Variants in PCDHGA12 observed in about 807,000 individuals in gnomAD.
The protein encoded by PCDHGA12 is protocadherin gamma-A12.
PCDHGA12 carries 43 observed loss-of-function variants against 61.1 expected under a neutral mutation model. The observed-to-expected ratio is 0.70, with a 90% CI of 0.55 to 0.91. The LOEUF is 0.91. Among genes scored for constraint, PCDHGA12 ranks in the 40% least tolerant of loss-of-function variants. The probability of loss-of-function intolerance (pLI) is 0.00; values close to 1 mark genes in which losing one functional copy is unlikely to be tolerated. For synonymous variants in PCDHGA12, 520 were observed against 542.9 expected (o/e 0.96, Z 0.59); for missense variants, 1,236 against 1,227.7 (o/e 1.01, Z -0.10).
rs185055424 is a variant in PCDHGA12, at chr5:141,457,894, G to A, written c.2424+24711G>A. Among the ~76,000 whole-genome samples the A allele has an allele frequency of 3.2e-3, 488 of 152,332 alleles. 1 individual carries two copies. Among genetic ancestry groups the A allele is most frequent in the Non-Finnish European group, 5.0e-3 (342 of 68,028 alleles). On this transcript the variant is annotated intron_variant, in intron 1 of 3. Transcript: ENST00000252085. ...GTTAGGAACCCTGTGTGGGGACTGT[G>A]TAGACAAGGTGTGAGGCCAGTTCTC...
Position 141,433,047 on chromosome 5 carries a change from C to G in PCDHGA12, c.2288C>G (p.Ser763Trp). The change falls in exon 1 of 4, where the codon TCG (serine) becomes TGG (tryptophan). Residue 763 changes from serine (S) to tryptophan (W), a missense_variant. Physicochemically the swap from Ser to Trp is radical, Grantham distance 177. Coordinates refer to ENST00000252085, the MANE Select transcript of PCDHGA12 (RefSeq NM_003735.3). Reference protein sequence around the residue: ...YSHEVSLTTDSRKSHLIFPQP... With the variant: ...YSHEVSLTTDWRKSHLIFPQP... ...CACGAGGTTTCCCTCACCACGGACTCGCGGAAGAGTCACCTGATCTTCCCC... is the reference window on the plus strand; with the variant it reads ...CACGAGGTTTCCCTCACCACGGACTGGCGGAAGAGTCACCTGATCTTCCCC... 1.9e-6 allele frequency: 3 copies of G among 1,614,164 alleles called. No individual in the cohort carries two copies. The highest frequency in any genetic ancestry group is 2.5e-6 in the Non-Finnish European group (3 of 1,180,034).
intron 1 of PCDHGA12, among the ~76,000 whole-genome samples, chr5:141,452,988 T>C (rs2098753680): frequency 6.6e-6 from 1 of 152,228 alleles, no homozygotes; most frequent in Admixed American, 6.5e-5. Context: ...AGTACTGTGC[T>C]GAAAAGTTAC....
intron 1 of PCDHGA12, among the ~76,000 whole-genome samples, chr5:141,482,104 A>T (rs11748215): frequency 0.23 from 34,477 of 150,324 alleles, 4,798 homozygotes; most frequent in African/African-American, 0.39. Context: ...AAAAAAAAAA[A>T]ATATCTAGAG....
At chr5:141,506,969 A>G (rs923725359) in intron 3 of PCDHGA12, 7 of 152,208 alleles carry the variant, frequency 4.6e-5, no homozygotes, top group Non-Finnish European at 8.8e-5. Flanking sequence ...ATAGCTCTGC[A>G]AGGCAGGTCT....
chr5:141,490,869 A>G lies in PCDHGA12; in HGVS notation c.2425-3938A>G, dbSNP rs764138126. ...GGGTTCGAGACTCCGGCTCTCCCCCATTGCATGCCAACACATCTCTGCATG... is the reference window on the plus strand; with the variant it reads ...GGGTTCGAGACTCCGGCTCTCCCCCGTTGCATGCCAACACATCTCTGCATG... On this transcript the variant is annotated intron_variant, in intron 1 of 3. Transcript: ENST00000252085. This position sits in a 1 kb window ranked among gnomAD's most constrained non-coding sequence, Gnocchi z 5.4. 4.3e-6 allele frequency: 7 copies of G among 1,613,784 alleles called. No homozygotes were observed. The highest frequency in any genetic ancestry group is 1.7e-5 in the Admixed American group (1 of 60,004).
In PCDHGA12 at chr5:141,501,176, T is replaced by C. The variant is rs917315609; in HGVS notation, c.2484-4217T>C. ...GCCACCATCCCCAGCCTCATTTACA[T>C]TTTAACACAATTAAATTCAGGGTGT... On this transcript the variant is annotated intron_variant, in intron 2 of 3. Coordinates refer to ENST00000252085, the MANE Select transcript of PCDHGA12 (RefSeq NM_003735.3). Among the ~76,000 whole-genome samples, 16 of 152,244 alleles carry C rather than the reference T, an allele frequency of 1.1e-4. No homozygotes were observed. In the South Asian group the frequency reaches 3.3e-3, roughly 32 times the overall value.
chr5:141,464,769 T>C (rs2154568595), intron 1 of PCDHGA12, among the ~76,000 whole-genome samples: 1 of 152,328 alleles, frequency 6.6e-6, no homozygotes. Flanking sequence ...ACAGGAATCT[T>C]GTTCTGTTGC....
At chr5:141,469,548 C>A (rs2099204726) in intron 1 of PCDHGA12, among the ~76,000 whole-genome samples, 1 of 152,212 alleles carries the variant, frequency 6.6e-6, no homozygotes, top group East Asian at 1.9e-4. Context: ...GCACTCCAGC[C>A]TGGCGACAGA....
chr5:141,431,921 G>C lies in PCDHGA12; in HGVS notation c.1162G>C (p.Gly388Arg), dbSNP rs775520324. ...CGGACAGGTGATCTGTTTCATCCAA[G>C]GAAATCTGCCCTTTAAATTAGAAAA... ...ENGQVICFIQGNLPFKLEKSY... is the reference protein window; with the variant it reads ...ENGQVICFIQRNLPFKLEKSY... Residue 388 changes from glycine to arginine, a missense_variant, in exon 1 of 4, where the codon GGA (glycine) becomes CGA (arginine). Transcript: ENST00000252085. This position sits in a 1 kb window ranked among gnomAD's most constrained non-coding sequence, Gnocchi z 4.8. 8.7e-6 allele frequency: 14 copies of C among 1,614,024 alleles called. No individual in the cohort carries two copies. Among genetic ancestry groups the C allele is most frequent in the Non-Finnish European group, 1.2e-5 (14 of 1,179,998 alleles).
At chr5:141,455,583 A>G (rs1485134189) in intron 1 of PCDHGA12, among the ~76,000 whole-genome samples, 4 of 152,144 alleles carry the variant, frequency 2.6e-5, no homozygotes, top group Non-Finnish European at 2.9e-5. Context: ...CCAGCCTTTT[A>G]ATATGCAAAC....
Position 141,441,858 on chromosome 5 carries a change from C to T in PCDHGA12, c.2424+8675C>T, listed in dbSNP as rs535716058. The T allele has an allele frequency of 6.0e-5, 21 of 349,416 alleles. No homozygotes were observed. The East Asian group carries it at 7.4e-4, about 12-fold the overall frequency. The allele number at this position is 349,416 out of a possible 1,614,324, so 21.6% of individuals were successfully genotyped here. On this transcript the variant is annotated intron_variant, in intron 1 of 3. Coordinates refer to ENST00000252085, the MANE Select transcript of PCDHGA12 (RefSeq NM_003735.3). ...TCGCGCTCTTGGATATGGTGCTGCA[C>T]GCCGCGGAGCCTGGCTACCTGGTCA...
Position 141,495,011 on chromosome 5 carries a change from G to A in PCDHGA12, c.2483+146G>A, listed in dbSNP as rs2099758277. On this transcript the variant is annotated intron_variant, in intron 2 of 3. Coordinates refer to ENST00000252085, the MANE Select transcript of PCDHGA12 (RefSeq NM_003735.3). ...CCAGGGAGGTCTTGGTGTGCGGGGG[G>A]CTGGCACACAGACCCCGGAAGGAAG... is the stretch of plus-strand genomic sequence containing the variant. 4.6e-6 allele frequency: 7 copies of A among 1,512,044 alleles called. No individual in the cohort carries two copies. In the East Asian group the frequency reaches 1.5e-4, roughly 32 times the overall value. 93.7% of individuals were successfully genotyped at this position (1,512,044 alleles called of 1,614,324 possible).
intron 1 of PCDHGA12, 89 bp downstream of exon 1, chr5:141,433,272 C>G (rs1161817377): frequency 8.0e-7 from 1 of 1,252,412 alleles, no homozygotes; most frequent in Non-Finnish European, 1.1e-6. Flanking sequence ...TAGCTCACTG[C>G]AGCCTCAAAC....
Position 141,476,793 on chromosome 5 carries a change from C to T in PCDHGA12, c.2425-18014C>T, listed in dbSNP as rs754785656. ...GACGGAGGGACCCCAGCTCTCTCCG[C>T]CAGCCTGCCTATTCACATCAAGGTG... On this transcript the variant is annotated intron_variant, in intron 1 of 3. Transcript: ENST00000252085. The surrounding 1 kb of genome is among the most constrained non-coding windows in gnomAD (Gnocchi z 7.6). 1.2e-6 allele frequency: 2 copies of T among 1,613,642 alleles called. No homozygotes were observed. The highest frequency in any genetic ancestry group is 2.2e-5 in the East Asian group (1 of 44,868).
At chr5:141,478,845 A>G in intron 1 of PCDHGA12, 2 of 1,389,784 alleles carry the variant, frequency 1.4e-6, no homozygotes, top group Non-Finnish European at 9.5e-7. Flanking sequence ...TGGTTAAGCT[A>G]AAACACAAGA....
At chr5:141,464,091 T>G (rs2099075583) in intron 1 of PCDHGA12, among the ~76,000 whole-genome samples, 1 of 151,812 alleles carries the variant, frequency 6.6e-6, no homozygotes, top group African/African-American at 2.4e-5. Flanking sequence ...ATGGTGAAAC[T>G]CCGTCTCTAC....
intron 1 of PCDHGA12, among the ~76,000 whole-genome samples, chr5:141,482,804 G>T (rs1431490730): frequency 6.6e-6 from 1 of 152,194 alleles, no homozygotes; most frequent in East Asian, 1.9e-4. Flanking sequence ...GGGTACGGTG[G>T]CTCATGCCTG....
At position 141,491,539 on chromosome 5, in the gene PCDHGA12, A is replaced by G; in HGVS notation, c.2425-3268A>G. ...GTACATGGAGGTGACGCTGCGGCCC[A>G]CAGACTCGCAGAGCCACTGCTACAG... On this transcript the variant is annotated intron_variant, in intron 1 of 3. Coordinates refer to ENST00000252085, the MANE Select transcript of PCDHGA12 (RefSeq NM_003735.3). This position sits in a 1 kb window ranked among gnomAD's most constrained non-coding sequence, Gnocchi z 6.9. The G allele has an allele frequency of 6.2e-7, 1 of 1,613,968 alleles. No homozygotes were observed. The highest frequency in any genetic ancestry group is 1.1e-5 in the South Asian group (1 of 91,074).
chr5:141,490,061 A>T lies in PCDHGA12; in HGVS notation c.2425-4746A>T. The stretch of plus-strand genomic sequence containing the variant: ...GCCACTGATCCAGACGAGGGCACCA[A>T]CGGCCAACTAGACTATTCTTTTGGA... On this transcript the variant is annotated intron_variant, in intron 1 of 3. Transcript: ENST00000252085. This position sits in a 1 kb window ranked among gnomAD's most constrained non-coding sequence, Gnocchi z 5.4. 1 of 1,614,214 alleles carries T rather than the reference A, an allele frequency of 6.2e-7. No homozygotes were observed. The highest frequency in any genetic ancestry group is 8.5e-7 in the Non-Finnish European group (1 of 1,180,030).
Sources: allele counts gnomAD v4.1 joint callset (sites outside exome capture counted in the v4.1 genomes callset), GRCh38; gene constraint gnomAD v4.1.1; non-coding constraint Gnocchi (gnomAD v3.1); transcripts MANE v1.5; gene names NCBI Gene and HGNC (gene_info 2026-07-23, HGNC 2026-07-21).